EEF1AKMT3: variants seen among roughly 807,000 people sequenced by gnomAD.
EEF1AKMT3 encodes EEF1A lysine methyltransferase 3.
A neutral mutation model predicts 17.8 loss-of-function variants in EEF1AKMT3; 17 were observed. The observed-to-expected ratio is 0.96, with a 90% CI of 0.65 to 1.43. The LOEUF (loss-of-function observed/expected upper bound fraction) is 1.43. EEF1AKMT3 is among the 40% of genes most tolerant of loss of function. EEF1AKMT3 has a pLI of 0.00. For missense variants in EEF1AKMT3, 244 were observed against 285.8 expected (o/e 0.85, Z 1.06); for synonymous variants, 116 against 126.5 (o/e 0.92, Z 0.56).
Position 57,773,000 on chromosome 12 carries a change from T to C in EEF1AKMT3, c.178-17T>C, listed in dbSNP as rs1159137067. On this transcript the variant is annotated splice_polypyrimidine_tract_variant and intron_variant, in intron 1 of 2. Coordinates refer to ENST00000300209, the MANE Select transcript of EEF1AKMT3 (RefSeq NM_015433.3). This position sits in a 1 kb window ranked among gnomAD's most constrained non-coding sequence, Gnocchi z 4.1. The stretch of plus-strand genomic sequence containing the variant: ...CCATCCTCACGACTGTCTTTTTCTC[T>C]GTCTTTTCTCCCGTAGGCCCTGAGC... 2 of 1,614,158 alleles carry C rather than the reference T, an allele frequency of 1.2e-6. No homozygotes were observed. Among genetic ancestry groups the C allele is most frequent in the Non-Finnish European group, 1.7e-6 (2 of 1,179,994 alleles).
Position 57,773,196 on chromosome 12 carries a change from G to A in EEF1AKMT3, c.289+68G>A, listed in dbSNP as rs548005615. The A allele has an allele frequency of 1.4e-5, 20 of 1,452,066 alleles. No individual in the cohort carries two copies. In the South Asian group the frequency reaches 2.3e-4, roughly 17 times the overall value. 89.9% of individuals were successfully genotyped at this position (1,452,066 alleles called of 1,614,324 possible). A position where few individuals can be genotyped will look rare whatever the true frequency, so the allele number is the denominator to read the frequency against. Reference sequence around the variant, plus strand: ...GGCGCGGAGAAATGGTCACTTCGTGGATCTTTGGGGGAGAGGGGAGAACTT... The same window carrying A: ...GGCGCGGAGAAATGGTCACTTCGTGAATCTTTGGGGGAGAGGGGAGAACTT... On this transcript the variant is annotated intron_variant, in intron 2 of 2. Transcript: ENST00000300209.
chr12:57,780,375 A>G lies in EEF1AKMT3; in HGVS notation c.410A>G (p.His137Arg), dbSNP rs1167644333. ...QVRALSWGID[H>R]HVFPANYDLV... ...CGTGCCTTGTCCTGGGGGATTGACC[A>G]TCATGTCTTCCCTGCAAACTATGAC... is the stretch of plus-strand genomic sequence containing the variant. Residue 137 changes from histidine to arginine, a missense_variant, in exon 3 of 3, where the codon CAT becomes CGT. His to Arg is a conservative substitution (Grantham distance 29, BLOSUM62 0). Transcript: ENST00000300209. 3 of 1,614,080 alleles carry G rather than the reference A, an allele frequency of 1.9e-6. No individual in the cohort carries two copies. The highest frequency in any genetic ancestry group is 2.2e-5 in the East Asian group (1 of 44,884).
At chr12:57,779,251 AT>A (rs1296504799) in intron 2 of EEF1AKMT3, among the ~76,000 whole-genome samples, 1 of 152,104 alleles carries the variant, frequency 6.6e-6, no homozygotes, top group African/African-American at 2.4e-5. Context: ...AGCAATTCTT[AT>A]CCCCCTTCCC....
chr12:57,774,900 G>A (rs975571424), intron 2 of EEF1AKMT3: 2 of 707,534 alleles, frequency 2.8e-6, no homozygotes, highest in African/African-American at 3.6e-5. Context: ...GAGGTCAGGA[G>A]TTTGAGACCA....
intron 2 of EEF1AKMT3, among the ~76,000 whole-genome samples, chr12:57,776,465 G>T (rs1955480853): frequency 2.0e-5 from 3 of 152,080 alleles, no homozygotes; most frequent in African/African-American, 7.2e-5. Flanking sequence ...TTTTAACTTT[G>T]TTACCATTGG....
In EEF1AKMT3 at chr12:57,778,293, C is replaced by CTTTTTTTTTTTTTTTTTTTTTT. The variant is rs56919999; in HGVS notation, c.290-1947_290-1946insTTTTTTTTTTTTTTTTTTTTTT. 1.1e-3 allele frequency among the ~76,000 whole-genome samples: 50 copies of CTTTTTTTTTTTTTTTTTTTTTT among 43,996 alleles called. 19 individuals are homozygous for CTTTTTTTTTTTTTTTTTTTTTT. The highest frequency in any genetic ancestry group is 1.5e-3 in the Non-Finnish European group (39 of 25,678). The allele number at this position is 43,996 out of a possible 152,430, so 28.9% of individuals were successfully genotyped here. Reference sequence around the variant, plus strand: ...CCAAACACCCAGAAACCATCCTGAGCTTTTTTTTTTTTTTTGAGACAGGTT... The same window carrying CTTTTTTTTTTTTTTTTTTTTTT: ...CCAAACACCCAGAAACCATCCTGAGCTTTTTTTTTTTTTTTTTTTTTTTTTTTTTTTTTTTTTGAGACAGGTT... On this transcript the variant is annotated intron_variant, in intron 2 of 2. Coordinates refer to ENST00000300209, the MANE Select transcript of EEF1AKMT3 (RefSeq NM_015433.3).
chr12:57,774,713 C>A (rs1190266161), intron 2 of EEF1AKMT3: 15 of 1,613,036 alleles, frequency 9.3e-6, no homozygotes, highest in Non-Finnish European at 1.3e-5. Flanking sequence ...TGTGGACATG[C>A]TCTATCCATG....
rs1254852058 is a variant in EEF1AKMT3 at position 57,772,790 on chromosome 12, CTT to C, written c.68_69del (p.Phe23CysfsTer81). On this transcript the variant is annotated frameshift_variant, in exon 1 of 3. Transcript: ENST00000300209. LOFTEE classifies it high-confidence loss of function. This position sits in a 1 kb window ranked among gnomAD's most constrained non-coding sequence, Gnocchi z 4.1. ...ESVFPREVGL[F>X]ADSYSEKSQF... ...CGGTGTTCCCGCGGGAGGTCGGGCT[CTT>C]TGCAGACTCTTACTCGGAGAAGAGC... is the stretch of plus-strand genomic sequence containing the variant. 6.2e-7 allele frequency: 1 copy of C among 1,614,196 alleles called. No individual in the cohort carries two copies. The highest frequency in any genetic ancestry group is 1.3e-5 in the African/African-American group (1 of 75,066).
chr12:57,782,497 T>C lies in EEF1AKMT3; in HGVS notation c.*1851T>C. The C allele has an allele frequency of 2.5e-6, 1 of 397,068 alleles. No individual in the cohort carries two copies. The highest frequency in any genetic ancestry group is 4.6e-6 in the Non-Finnish European group (1 of 218,756). 24.6% of individuals were successfully genotyped at this position (397,068 alleles called of 1,614,324 possible). On this transcript the variant is annotated 3_prime_UTR_variant, in exon 3 of 3. Coordinates refer to ENST00000300209, the MANE Select transcript of EEF1AKMT3 (RefSeq NM_015433.3). ...TTTGTTGTGAGTCATAAATGGATAA[T>C]GAATATAAATGCGCATTGAAAATAA...
rs1350175257 is a variant in EEF1AKMT3, at chr12:57,782,285, A to C, written c.*1639A>C. ...TTTTCTCACCATTAAATTACCTTGG[A>C]GGGTAGGGCTGTGGTTTACTCCTGT... On this transcript the variant is annotated 3_prime_UTR_variant, in exon 3 of 3. Coordinates refer to ENST00000300209, the MANE Select transcript of EEF1AKMT3 (RefSeq NM_015433.3). 6.5e-6 allele frequency: 1 copy of C among 152,714 alleles called. No homozygotes were observed. Among genetic ancestry groups the C allele is most frequent in the Non-Finnish European group, 1.5e-5 (1 of 68,432 alleles). 9.5% of individuals were successfully genotyped at this position (152,714 alleles called of 1,614,324 possible). A position where few individuals can be genotyped will look rare whatever the true frequency, so the allele number is the denominator to read the frequency against.
chr12:57,778,989 A>T (rs1201960428), intron 2 of EEF1AKMT3, among the ~76,000 whole-genome samples: 13 of 151,850 alleles, frequency 8.6e-5, no homozygotes, highest in Non-Finnish European at 1.5e-5. Flanking sequence ...CCTCCCTAGT[A>T]GCTGGCATTA....
chr12:57,775,494 G>A (rs1242764035), intron 2 of EEF1AKMT3, among the ~76,000 whole-genome samples: 1 of 151,322 alleles, frequency 6.6e-6, no homozygotes, highest in Admixed American at 6.6e-5. Context: ...CGATTCTCCT[G>A]CCTCAGCCTC....
Position 57,780,800 on chromosome 12 carries a change from A to G in EEF1AKMT3, c.*154A>G, listed in dbSNP as rs1955508860. On this transcript the variant is annotated 3_prime_UTR_variant, in exon 3 of 3. Transcript: ENST00000300209. ...TCCTTCCCTCTTTGTTACCCCAGAT[A>G]CTCTTGGGCAGGTGCAGTGAGGTGC... is the stretch of plus-strand genomic sequence containing the variant. 1 of 1,026,364 alleles carries G rather than the reference A, an allele frequency of 9.7e-7. No individual in the cohort carries two copies. Among genetic ancestry groups the G allele is most frequent in the Non-Finnish European group, 1.4e-6 (1 of 723,006 alleles). 63.6% of individuals were successfully genotyped at this position (1,026,364 alleles called of 1,614,324 possible).
Position 57,777,289 on chromosome 12 carries a change from C to G in EEF1AKMT3, c.290-2966C>G, listed in dbSNP as rs553789948. Among the ~76,000 whole-genome samples the G allele has an allele frequency of 3.3e-5, 5 of 152,286 alleles. No homozygotes were observed. The South Asian group carries it at 1.0e-3, about 32-fold the overall frequency. ...ATTTCTCTTATTTCAGAAAAAAACT[C>G]TTGATCCTACATCTCCCTCCAGCTA... On this transcript the variant is annotated intron_variant, in intron 2 of 2. Transcript: ENST00000300209.
chr12:57,774,768 G>A (rs1006360948), intron 2 of EEF1AKMT3: 26 of 1,605,430 alleles, frequency 1.6e-5, no homozygotes, highest in Non-Finnish European at 2.0e-5. Context: ...GCTCTGTCAG[G>A]TGAGGAGGAG....
At chr12:57,773,417 T>TTTTG (rs1565816186) in intron 2 of EEF1AKMT3, among the ~76,000 whole-genome samples, 3 of 151,876 alleles carry the variant, frequency 2.0e-5, no homozygotes, top group East Asian at 1.9e-4. Context: ...GTTGCTTTTT[T>TTTTG]TTTGTTTTTA....
intron 2 of EEF1AKMT3, among the ~76,000 whole-genome samples, chr12:57,778,019 CAAAAA>C (rs35823549): frequency 1.2e-5 from 1 of 85,442 alleles, no homozygotes; most frequent in Non-Finnish European, 2.2e-5. Flanking sequence ...GACTCCATCT[CAAAAA>C]AAAAAAAAAA....
intron 2 of EEF1AKMT3, chr12:57,774,762 T>C (rs1156456138): frequency 3.7e-6 from 6 of 1,607,534 alleles, no homozygotes; most frequent in Non-Finnish European, 5.1e-6. Context: ...AGGGAAGCTC[T>C]GTCAGGTGAG....
At position 57,772,782 on chromosome 12, in the gene EEF1AKMT3, G is replaced by A; in HGVS notation, c.58G>A (p.Val20Ile). ...SESESVFPRE[V>I]GLFADSYSEK... ...GTCGGAATCGGTGTTCCCGCGGGAG[G>A]TCGGGCTCTTTGCAGACTCTTACTC... The change falls in exon 1 of 3, where the codon GTC (valine) becomes ATC (isoleucine). Residue 20 changes from valine to isoleucine, a missense_variant. Val to Ile is a conservative substitution (Grantham distance 29). Transcript: ENST00000300209. The surrounding 1 kb of genome is among the most constrained non-coding windows in gnomAD (Gnocchi z 4.1). 1 of 1,614,194 alleles carries A rather than the reference G, an allele frequency of 6.2e-7. No homozygotes were observed. Among genetic ancestry groups the A allele is most frequent in the Non-Finnish European group, 8.5e-7 (1 of 1,179,998 alleles).
Sources: gnomAD v4.1 joint callset for allele counts (sites outside exome capture counted in the v4.1 genomes callset) on GRCh38, gnomAD v4.1.1 for gene constraint, Gnocchi (gnomAD v3.1) non-coding constraint, MANE v1.5 for transcripts, NCBI Gene and HGNC (gene_info 2026-07-23, HGNC 2026-07-21) for gene names.